Variants in MRM1 observed in about 807,000 individuals in gnomAD.
MRM1 encodes mitochondrial rRNA methyltransferase 1.
In MRM1, 24 loss-of-function variants were observed where a neutral mutation model predicts 25.0. The ratio of observed to expected loss-of-function variants is 0.96; its 90% CI spans 0.69 to 1.35. The LOEUF is 1.35. Among genes scored for constraint, MRM1 ranks in the 40% most tolerant of loss-of-function variants. MRM1 has a pLI of 0.00. For synonymous variants in MRM1, 188 were observed against 199.2 expected (o/e 0.94, Z 0.47); for missense variants, 431 against 464.1 (o/e 0.93, Z 0.65).
downstream of MRM1, among the ~76,000 whole-genome samples, chr17:36,613,366 A>G (rs2074988411): frequency 6.6e-6 from 1 of 152,156 alleles, no homozygotes; most frequent in Admixed American, 6.5e-5. Flanking sequence ...TCACTTCCAC[A>G]GGTGCAATTA....
downstream of MRM1, among the ~76,000 whole-genome samples, chr17:36,613,311 C>T (rs1367921302): frequency 6.6e-6 from 1 of 152,138 alleles, no homozygotes; most frequent in African/African-American, 2.4e-5. Context: ...GGGCCAGGTG[C>T]CAGGGATCCC....
At chr17:36,621,410 C>T in the MRM1 span, among the ~76,000 whole-genome samples, 1 of 152,160 alleles carries the variant, frequency 6.6e-6, no homozygotes, top group Non-Finnish European at 1.5e-5. Context: ...TAAGTGACGG[C>T]CTGACACTGA....
chr17:36,618,046 C>T, the MRM1 span, among the ~76,000 whole-genome samples: 1 of 152,050 alleles, frequency 6.6e-6, no homozygotes, highest in African/African-American at 2.4e-5. Flanking sequence ...TGCTGAGGTC[C>T]CAGTGGAGCA....
At chr17:36,632,607 C>A in the MRM1 span, among the ~76,000 whole-genome samples, 3 of 152,256 alleles carry the variant, frequency 2.0e-5, no homozygotes, top group Admixed American at 6.5e-5. Context: ...TGCTCCCCCC[C>A]ACTGCCATCT....
At position 36,602,554 on chromosome 17, in the gene MRM1, T is replaced by TG. The variant is rs2074887701; in HGVS notation, c.545dup (p.Cys182TrpfsTer24). The TG allele has an allele frequency of 1.2e-6, 2 of 1,614,076 alleles. No homozygotes were observed. Among genetic ancestry groups the TG allele is most frequent in the African/African-American group, 2.7e-5 (2 of 74,926 alleles). ...GCGGGGAACGGGGAAACCTTGCAGC[T>TG]GCCCGCTCACTCCAGTAGTCAGCAA... On this transcript the variant is annotated frameshift_variant and splice_region_variant, in exon 2 of 5. Transcript: ENST00000614766. LOFTEE classifies it high-confidence loss of function. This position sits in a 1 kb window ranked among gnomAD's most constrained non-coding sequence, Gnocchi z 4.1.
the MRM1 span, among the ~76,000 whole-genome samples, chr17:36,627,674 G>GTTTTTTTTTTTTTTTTTT: frequency 1.2e-5 from 1 of 83,728 alleles, no homozygotes; most frequent in Non-Finnish European, 2.2e-5. Flanking sequence ...TTTGGACACT[G>GTTTTTTTTTTTTTTTTTT]TTTTTTTTTT....
chr17:36,602,994 C>T lies in MRM1; in HGVS notation c.636+348C>T. The stretch of plus-strand genomic sequence containing the variant: ...CTGCGTACAGGAGACCTGAGTTCCT[C>T]GAATAGGGCACAGCTTGAAAGGATG... On this transcript the variant is annotated intron_variant, in intron 2 of 4. Transcript: ENST00000614766. This position sits in a 1 kb window ranked among gnomAD's most constrained non-coding sequence, Gnocchi z 4.1. The T allele has an allele frequency of 1.0e-6, 1 of 985,328 alleles. No homozygotes were observed. Among genetic ancestry groups the T allele is most frequent in the African/African-American group, 1.7e-5 (1 of 57,298 alleles). The allele number at this position is 985,328 out of a possible 1,614,324, so 61.0% of individuals were successfully genotyped here.
Position 36,608,517 on chromosome 17 carries a change from C to A in MRM1, c.*102C>A. ...AGCCTCTGCCTGAGTGTGCACCAGGCCCATGTTTATTGACCACAGTCTGGG... is the reference window on the plus strand; with the variant it reads ...AGCCTCTGCCTGAGTGTGCACCAGGACCATGTTTATTGACCACAGTCTGGG... On this transcript the variant is annotated 3_prime_UTR_variant, in exon 5 of 5. Coordinates refer to ENST00000614766, the MANE Select transcript of MRM1 (RefSeq NM_024864.5). The A allele has an allele frequency of 2.5e-6, 2 of 811,630 alleles. No homozygotes were observed. Among genetic ancestry groups the A allele is most frequent in the Non-Finnish European group, 3.6e-6 (2 of 562,322 alleles). 50.3% of individuals were successfully genotyped at this position (811,630 alleles called of 1,614,324 possible). A position where few individuals can be genotyped will look rare whatever the true frequency, so the allele number is the denominator to read the frequency against.
chr17:36,615,814 A>C, the MRM1 span, among the ~76,000 whole-genome samples: 3 of 151,476 alleles, frequency 2.0e-5, no homozygotes, highest in African/African-American at 7.3e-5. Context: ...TGGTCAACAT[A>C]GTGAAACTTC....
chr17:36,615,614 G>C, the MRM1 span, among the ~76,000 whole-genome samples: 285 of 147,982 alleles, frequency 1.9e-3, 1 homozygote, highest in African/African-American at 7.0e-3. Flanking sequence ...AGCTGAGATC[G>C]CGCTATTGCA....
intron 2 of MRM1, 43 bp from the exon 3 acceptor site, chr17:36,607,627 A>C (rs200418530): frequency 2.2e-5 from 34 of 1,575,946 alleles, no homozygotes; most frequent in Non-Finnish European, 2.9e-5. Context: ...TCTCAAAATT[A>C]AAATAAAAAA....
At chr17:36,608,050 C>A in intron 4 of MRM1, 32 bp downstream of exon 4, 1 of 1,609,336 alleles carries the variant, frequency 6.2e-7, no homozygotes, top group Middle Eastern at 1.7e-4. Flanking sequence ...TTTCCTCTAT[C>A]CCTCTAATCA....
chr17:36,601,863 G>T lies in MRM1; in HGVS notation c.53G>T (p.Arg18Leu). 6.2e-7 allele frequency: 1 copy of T among 1,601,880 alleles called. No homozygotes were observed. ...RGATWGRLVT[R>L]HFSHAARHGE... ...GCGACCTGGGGTCGCCTCGTCACCC[G>T]TCATTTCTCCCATGCAGCGCGGCAT... The change falls in exon 1 of 5, where the codon CGT becomes CTT. Residue 18 changes from arginine to leucine, a missense_variant. Physicochemically the swap from Arg to Leu is moderately radical, Grantham distance 102. Coordinates refer to ENST00000614766, the MANE Select transcript of MRM1 (RefSeq NM_024864.5).
the MRM1 span, among the ~76,000 whole-genome samples, chr17:36,620,282 G>C: frequency 8.6e-6 from 1 of 116,872 alleles, no homozygotes; most frequent in Non-Finnish European, 1.6e-5. Flanking sequence ...CCTTTATGCT[G>C]TCAATAATTC....
downstream of MRM1, among the ~76,000 whole-genome samples, chr17:36,613,940 A>G (rs2074991964): frequency 6.6e-6 from 1 of 151,992 alleles, no homozygotes; most frequent in Non-Finnish European, 1.5e-5. Context: ...AATCTGCAAA[A>G]TGGAGATAAG....
downstream of MRM1, among the ~76,000 whole-genome samples, chr17:36,611,269 T>C (rs1441236368): frequency 6.6e-6 from 1 of 152,244 alleles, no homozygotes; most frequent in African/African-American, 2.4e-5. Context: ...TGAGCTTTCA[T>C]CTGTCCCTCA....
chr17:36,614,911 G>T, the MRM1 span, among the ~76,000 whole-genome samples: 3 of 152,240 alleles, frequency 2.0e-5, no homozygotes, highest in Non-Finnish European at 4.4e-5. Context: ...TGGAAGGGGA[G>T]CAGGGCCAGA....
the MRM1 span, among the ~76,000 whole-genome samples, chr17:36,622,341 G>T: frequency 5.9e-5 from 9 of 152,246 alleles, no homozygotes; most frequent in African/African-American, 1.7e-4. Flanking sequence ...GGAGGCCGAG[G>T]TGTGTGGATC....
At chr17:36,633,584 G>A in the MRM1 span, among the ~76,000 whole-genome samples, 8 of 151,742 alleles carry the variant, frequency 5.3e-5, no homozygotes, top group Admixed American at 5.3e-4. Context: ...AGAGGAGGAG[G>A]AAGAGGAAGA....
Sources: allele counts gnomAD v4.1 joint callset (sites outside exome capture counted in the v4.1 genomes callset), GRCh38; gene constraint gnomAD v4.1.1; non-coding constraint Gnocchi (gnomAD v3.1); transcripts MANE v1.5; gene names NCBI Gene and HGNC (gene_info 2026-07-23, HGNC 2026-07-21).